The following DLGAP2 variants were observed in gnomAD, a reference collection of about 807,000 sequenced individuals.
DLGAP2 encodes disks large-associated protein 2.
A neutral mutation model predicts 100.3 loss-of-function variants in DLGAP2; 26 were observed. That is an observed-to-expected ratio of 0.26 (90% CI 0.19 to 0.36). The LOEUF is 0.36. DLGAP2 is among the 10% of genes least tolerant of loss of function. The pLI is 1.00. For missense variants in DLGAP2, 1,858 were observed against 1,453.2 expected (o/e 1.28, Z -4.53); for synonymous variants, 886 against 630.1 (o/e 1.41, Z -6.08).
intron 5 of DLGAP2, among the ~76,000 whole-genome samples, chr8:1,563,764 G>T (rs1387004052): frequency 6.6e-6 from 1 of 152,108 alleles, no homozygotes; most frequent in Non-Finnish European, 1.5e-5. Context: ...TGGCATTTAG[G>T]AATGAATACA....
chr8:881,666 A>ATATATATATATATATAT, intron 1 of DLGAP2, among the ~76,000 whole-genome samples: 12 of 131,064 alleles, frequency 9.2e-5, no homozygotes, highest in African/African-American at 3.3e-4. Context: ...CTTGTGGCTG[A>ATATATATATATATATAT]ACACACACAC....
At chr8:1,252,994 A>C (rs1799082637) in intron 2 of DLGAP2, among the ~76,000 whole-genome samples, 1 of 151,842 alleles carries the variant, frequency 6.6e-6, no homozygotes, top group Admixed American at 6.6e-5. Context: ...GCATCTAGGC[A>C]CCCCCACAGG....
chr8:1,251,941 TC>T (rs1368060356), intron 2 of DLGAP2, among the ~76,000 whole-genome samples: 1 of 152,262 alleles, frequency 6.6e-6, no homozygotes, highest in Non-Finnish European at 1.5e-5. Context: ...AGTCATGTTG[TC>T]CTGGGTCATG....
At chr8:915,548 A>T (rs920597086) in intron 2 of DLGAP2, among the ~76,000 whole-genome samples, 2 of 52,994 alleles carry the variant, frequency 3.8e-5, no homozygotes, top group South Asian at 1.1e-3. Flanking sequence ...CTCCATCTCT[A>T]AAAAAAAAAA....
At chr8:1,362,915 G>C (rs1802018879) in intron 3 of DLGAP2, among the ~76,000 whole-genome samples, 1 of 152,152 alleles carries the variant, frequency 6.6e-6, no homozygotes, top group African/African-American at 2.4e-5. Context: ...CCGTCTGTCT[G>C]TCTGTCCTGC....
intron 2 of DLGAP2, among the ~76,000 whole-genome samples, chr8:971,082 A>T (rs1800002871): frequency 6.6e-6 from 1 of 152,192 alleles, no homozygotes; most frequent in Non-Finnish European, 1.5e-5. Context: ...ATGAATGAAA[A>T]TTCAGGACTT....
intron 4 of DLGAP2, among the ~76,000 whole-genome samples, chr8:1,502,353 A>G (rs1799752741): frequency 6.6e-6 from 1 of 152,224 alleles, no homozygotes; most frequent in Non-Finnish European, 1.5e-5. Context: ...TGCTGGTTTG[A>G]TTTGCCTAAA....
At chr8:1,630,284 C>T (rs1381782115) in intron 7 of DLGAP2, among the ~76,000 whole-genome samples, 1 of 152,300 alleles carries the variant, frequency 6.6e-6, no homozygotes, top group Non-Finnish European at 1.5e-5. Flanking sequence ...AGCCCTAGGC[C>T]ACGAGACCTG....
intron 3 of DLGAP2, among the ~76,000 whole-genome samples, chr8:1,356,585 A>AG (rs1801857932): frequency 6.6e-6 from 1 of 152,178 alleles, no homozygotes. Flanking sequence ...CCCCCCAGGC[A>AG]GAACATGACG....
rs191621286 is a variant in DLGAP2 at position 1,471,745 on chromosome 8, G to T, written c.107-29621G>T. The stretch of plus-strand genomic sequence containing the variant: ...AGCAGCTGGTGACGGACCATGCTGT[G>T]TAGGAATTCACCCTTGCTACTCCCA... On this transcript the variant is annotated intron_variant, in intron 3 of 14. Coordinates refer to ENST00000637795, the MANE Select transcript of DLGAP2 (RefSeq NM_001346810.2). Among the ~76,000 whole-genome samples, 166 of 152,282 alleles carry T rather than the reference G, an allele frequency of 1.1e-3. 1 individual carries two copies. The highest frequency in any genetic ancestry group is 2.3e-3 in the Non-Finnish European group (155 of 68,030).
At chr8:1,289,832 G>C (rs1051605457) in intron 3 of DLGAP2, among the ~76,000 whole-genome samples, 1 of 152,230 alleles carries the variant, frequency 6.6e-6, no homozygotes, top group Non-Finnish European at 1.5e-5. Flanking sequence ...CTGAACACAG[G>C]ATTTCAGCAG....
chr8:1,490,508 T>A (rs1315688900), intron 3 of DLGAP2, among the ~76,000 whole-genome samples: 1 of 151,964 alleles, frequency 6.6e-6, no homozygotes, highest in African/African-American at 2.4e-5. Flanking sequence ...TGAGAGAGGG[T>A]GATGGGAGAG....
At chr8:1,435,855 A>T (rs1357129002) in intron 3 of DLGAP2, among the ~76,000 whole-genome samples, 2 of 151,982 alleles carry the variant, frequency 1.3e-5, no homozygotes, top group African/African-American at 4.8e-5. Context: ...TTTGGGTCTT[A>T]GTGCTTAACA....
intron 1 of DLGAP2, among the ~76,000 whole-genome samples, chr8:823,328 T>C (rs1014286754): frequency 7.9e-5 from 12 of 151,886 alleles, no homozygotes; most frequent in African/African-American, 2.9e-4. Flanking sequence ...TTATTATTAT[T>C]ATTATTATTA....
chr8:1,690,685 T>TA (rs1422350506), intron 12 of DLGAP2, among the ~76,000 whole-genome samples: 1 of 80,492 alleles, frequency 1.2e-5, no homozygotes, highest in African/African-American at 5.1e-5. Flanking sequence ...GCCTGGGCGA[T>TA]AAAGGGAGAC....
At chr8:919,410 G>A (rs143907935) in intron 2 of DLGAP2, among the ~76,000 whole-genome samples, 68 of 152,300 alleles carry the variant, frequency 4.5e-4, no homozygotes, top group African/African-American at 1.5e-3. Flanking sequence ...TTTGGGCAGC[G>A]TGAGTGGGGA....
At chr8:1,372,234 G>C (rs113719160) in intron 3 of DLGAP2, among the ~76,000 whole-genome samples, 4,185 of 82,708 alleles carry the variant, frequency 0.051, 592 homozygotes, top group African/African-American at 0.12. Flanking sequence ...GGTCACCGTG[G>C]TGCCAACGCT....
intron 3 of DLGAP2, among the ~76,000 whole-genome samples, chr8:1,472,551 G>A (rs1026999867): frequency 9.9e-5 from 15 of 152,176 alleles, no homozygotes; most frequent in Admixed American, 2.6e-4. Context: ...TCTCGGGCCC[G>A]AGTGCCAGCA....
At chr8:1,253,501 A>T (rs1326818409) in intron 2 of DLGAP2, among the ~76,000 whole-genome samples, 1 of 152,252 alleles carries the variant, frequency 6.6e-6, no homozygotes, top group Non-Finnish European at 1.5e-5. Flanking sequence ...GCCTCCATAG[A>T]TAAAATGCTC....
Sources: gnomAD v4.1 joint callset for allele counts (sites outside exome capture counted in the v4.1 genomes callset) on GRCh38, gnomAD v4.1.1 for gene constraint, MANE v1.5 for transcripts, NCBI Gene and HGNC (gene_info 2026-07-23, HGNC 2026-07-21) for gene names.